Variants in PLD3 observed in about 807,000 individuals in gnomAD.
PLD3 encodes phospholipase D family member 3, also known as 5'-3' exonuclease PLD3.
PLD3 carries 31 observed loss-of-function variants against 58.4 expected under a neutral mutation model. The observed-to-expected ratio is 0.53, with a 90% confidence interval of 0.40 to 0.72. The LOEUF (loss-of-function observed/expected upper bound fraction) is 0.72. Ranked by LOEUF, PLD3 falls within the 30% of genes least tolerant of loss-of-function variation. PLD3 has a pLI of 0.00. For missense variants in PLD3, 595 were observed against 659.8 expected, an observed-to-expected ratio of 0.90 and a Z score of 1.08; for synonymous variants, 264 against 273.4, an observed-to-expected ratio of 0.97 and a Z score of 0.34.
At chr19:40,366,308 T>G (rs1288777509) in intron 2 of PLD3, 111 bp from the exon 3 acceptor site, 2 of 656,948 alleles carry the variant, frequency 3.0e-6, no homozygotes, top group African/African-American at 3.6e-5. Flanking sequence ...GTGGGCAGTG[T>G]GCCAGTGGCC....
intron 6 of PLD3, among the ~76,000 whole-genome samples, chr19:40,368,924 C>CA (rs1222756039): frequency 2.0e-5 from 3 of 150,546 alleles, no homozygotes; most frequent in Non-Finnish European, 3.0e-5. Context: ...GACCCTGTCT[C>CA]AAAAAAAAGA....
chr19:40,375,696 T>C (rs893240629), intron 10 of PLD3, among the ~76,000 whole-genome samples: 2 of 146,278 alleles, frequency 1.4e-5, no homozygotes, highest in Non-Finnish European at 3.0e-5. Flanking sequence ...ATAACAACCA[T>C]ACCCACTGCA....
intron 8 of PLD3, among the ~76,000 whole-genome samples, chr19:40,371,063 A>G (rs749258035): frequency 1.4e-4 from 21 of 152,120 alleles, no homozygotes; most frequent in Non-Finnish European, 3.1e-4. Flanking sequence ...TTCCCAAAGG[A>G]GGTATAACTA....
chr19:40,370,189 C>A lies in PLD3; in HGVS notation c.630C>A (p.Thr210=). 3 of 1,614,024 alleles carry A rather than the reference C, an allele frequency of 1.9e-6. No individual in the cohort carries two copies. The South Asian group carries it at 3.3e-5, about 18-fold the overall frequency. ...LHTKFWVVDQ[T]HFYLGSANMD... ...CCAAGTTCTGGGTGGTGGACCAGAC[C>A]CACTTCTACCTGGGCAGTGCCAACA... The change falls in exon 8 of 13, where the codon ACC becomes ACA. Residue 210 remains threonine, a synonymous_variant. Transcript: ENST00000409735.
chr19:40,353,160 T>C (rs7260106), intron 1 of PLD3, among the ~76,000 whole-genome samples: 104,686 of 152,112 alleles, frequency 0.69, 36,045 homozygotes, highest in South Asian at 0.77. Context: ...TTCAAATTCC[T>C]AGCTGATCCC....
intron 8 of PLD3, 200 bp from the exon 9 acceptor site, chr19:40,371,473 G>A: frequency 8.6e-6 from 5 of 583,520 alleles, no homozygotes; most frequent in Middle Eastern, 4.5e-4. Context: ...GATTGCAAAC[G>A]TTCAGGAAAC....
chr19:40,377,531 A>T (rs1269805043), intron 11 of PLD3, among the ~76,000 whole-genome samples: 1 of 151,998 alleles, frequency 6.6e-6, no homozygotes, highest in African/African-American at 2.4e-5. Context: ...AAATGGGGGC[A>T]TCTGAGATGA....
chr19:40,377,731 C>T, intron 11 of PLD3, 55 bp from the exon 12 acceptor site: 1 of 1,277,274 alleles, frequency 7.8e-7, no homozygotes, highest in East Asian at 2.3e-5. Context: ...GATCCCGGGG[C>T]TCCTCCGACT....
At chr19:40,368,766 T>C (rs2078991235) in intron 6 of PLD3, among the ~76,000 whole-genome samples, 1 of 149,786 alleles carries the variant, frequency 6.7e-6, no homozygotes, top group Non-Finnish European at 1.5e-5. Context: ...CTACTAAAAA[T>C]AAAAAAAAAT....
Position 40,362,479 on chromosome 19 carries a change from G to A in PLD3, c.-278-3239G>A, listed in dbSNP as rs182577927. ...GAGACAGGCTCTCACTCTGTCAGCT[G>A]GGCTGGAGTGAGGTGGTGCGATCAC... On this transcript the variant is annotated intron_variant, in intron 1 of 12. Coordinates refer to ENST00000409735, the MANE Select transcript of PLD3 (RefSeq NM_012268.4). Among the ~76,000 whole-genome samples the A allele has an allele frequency of 8.0e-4, 122 of 152,268 alleles. 1 individual carries two copies. The Middle Eastern group carries it at 0.01, about 13-fold the overall frequency.
rs368480309 is a variant in PLD3 at position 40,366,762 on chromosome 19, C to T, written c.103-11C>T. ...CCCTCGGGCTGGCTGACCACCTCCT[C>T]CTCCCCACAGAAAGCCCGCTGGGTC... On this transcript the variant is annotated splice_polypyrimidine_tract_variant and intron_variant, in intron 4 of 12. Transcript: ENST00000409735. The T allele has an allele frequency of 2.5e-6, 4 of 1,613,850 alleles. No individual in the cohort carries two copies. The African/African-American group carries it at 4.0e-5, about 16-fold the overall frequency.
chr19:40,356,475 AGACCCTCACAG>A (rs1481309057), intron 1 of PLD3: 1 of 152,344 alleles, frequency 6.6e-6, no homozygotes, highest in Non-Finnish European at 1.5e-5. Flanking sequence ...CGAATTGGAG[AGACCCTCACAG>A]GACCAAGTCG....
chr19:40,355,954 G>A (rs979612933), intron 1 of PLD3: 5 of 152,170 alleles, frequency 3.3e-5, no homozygotes, highest in African/African-American at 4.8e-5. Context: ...CACCATTCAT[G>A]ATGCTTTCTT....
intron 11 of PLD3, among the ~76,000 whole-genome samples, 195 bp downstream of exon 11, chr19:40,376,969 G>C (rs1339960833): frequency 6.6e-6 from 1 of 151,282 alleles, no homozygotes; most frequent in East Asian, 2.0e-4. Context: ...CACAGGCAGA[G>C]GGGTTGGGAC....
chr19:40,377,967 TC>T lies in PLD3; in HGVS notation c.1286-17del, dbSNP rs1323470474. The T allele has an allele frequency of 6.2e-7, 1 of 1,612,134 alleles. No individual in the cohort carries two copies. Among genetic ancestry groups the T allele is most frequent in the Admixed American group, 1.7e-5 (1 of 59,942 alleles). ...CGGCCCCCCGAGGGTGCCCTTATGC[TC>T]CACCCATTCCTCTCTAGGAACCTCC... is the stretch of plus-strand genomic sequence containing the variant. On this transcript the variant is annotated intron_variant, in intron 12 of 12. Transcript: ENST00000409735.
chr19:40,361,108 C>G (rs2078771048), intron 1 of PLD3, among the ~76,000 whole-genome samples: 1 of 151,878 alleles, frequency 6.6e-6, no homozygotes, highest in Non-Finnish European at 1.5e-5. Context: ...GTAGGGAGAT[C>G]CTCATCTCTT....
At chr19:40,372,139 A>C (rs1303254637) in intron 9 of PLD3, among the ~76,000 whole-genome samples, 1 of 152,106 alleles carries the variant, frequency 6.6e-6, no homozygotes, top group South Asian at 2.1e-4. Flanking sequence ...TTGGTGCTCT[A>C]TATCATCCAG....
intron 8 of PLD3, chr19:40,371,040 G>A (rs908594428): frequency 1.3e-5 from 2 of 153,346 alleles, no homozygotes; most frequent in African/African-American, 4.8e-5. Context: ...CCCAACCTGG[G>A]GCATTGGAGG....
intron 8 of PLD3, chr19:40,370,441 G>A (rs751192850): frequency 5.0e-4 from 245 of 488,510 alleles, no homozygotes; most frequent in Non-Finnish European, 7.7e-4. Context: ...GGGAGGCCAA[G>A]GTGGGAGGAT....
Sources: gnomAD v4.1 joint callset for allele counts (sites outside exome capture counted in the v4.1 genomes callset) on GRCh38, gnomAD v4.1.1 for gene constraint, MANE v1.5 for transcripts, NCBI Gene and HGNC (gene_info 2026-07-23, HGNC 2026-07-21) for gene names.